The following ZNF704 variants were observed in gnomAD, a reference collection of about 807,000 sequenced individuals.
ZNF704 encodes the protein zinc finger protein 704.
ZNF704 carries 10 observed loss-of-function variants against 44.7 expected under a neutral mutation model. The ratio of observed to expected loss-of-function variants is 0.22; its 90% CI spans 0.14 to 0.38. The LOEUF (loss-of-function observed/expected upper bound fraction) is 0.38, where lower values mean the gene tolerates loss of function less well. ZNF704 is among the 10% of genes least tolerant of loss of function. The pLI, the probability that ZNF704 is intolerant of heterozygous loss-of-function variation, is 1.00. For synonymous variants in ZNF704, 211 were observed against 207.6 expected (o/e 1.02, Z -0.14); for missense variants, 390 against 545.5 (o/e 0.71, Z 2.84).
intron 1 of ZNF704, among the ~76,000 whole-genome samples, chr8:80,863,856 T>G (rs1031029042): frequency 3.3e-5 from 5 of 152,204 alleles, no homozygotes; most frequent in Admixed American, 2.0e-4. Context: ...TCCTGATATT[T>G]TCAATCTTTT....
At chr8:80,690,442 A>G (rs1349728797) in intron 3 of ZNF704, among the ~76,000 whole-genome samples, 1 of 151,976 alleles carries the variant, frequency 6.6e-6, no homozygotes, top group African/African-American at 2.4e-5. Context: ...AAAATTTTTT[A>G]TTTTTTAGAG....
intron 2 of ZNF704, among the ~76,000 whole-genome samples, chr8:80,750,043 G>A (rs972019109): frequency 6.6e-6 from 1 of 152,146 alleles, no homozygotes; most frequent in Non-Finnish European, 1.5e-5. Context: ...GAAGCTTCTA[G>A]TTAACTATCC....
intron 2 of ZNF704, among the ~76,000 whole-genome samples, chr8:80,752,212 G>A (rs1423568393): frequency 1.3e-5 from 2 of 151,968 alleles, no homozygotes; most frequent in Non-Finnish European, 2.9e-5. Context: ...CTACTTTGCA[G>A]TATTTCCTTA....
At chr8:80,721,103 G>A (rs1451393910) in intron 2 of ZNF704, among the ~76,000 whole-genome samples, 1 of 152,214 alleles carries the variant, frequency 6.6e-6, no homozygotes. Flanking sequence ...GGATCTGTGA[G>A]GGAGGAAGCA....
chr8:80,879,240 A>ATTT (rs34086990), upstream of ZNF704, among the ~76,000 whole-genome samples: 11 of 146,460 alleles, frequency 7.5e-5, no homozygotes, highest in Non-Finnish European at 9.0e-5. Context: ...ATGCATGTCA[A>ATTT]TTTTTTTTTT....
At chr8:80,721,076 C>T (rs550324066) in intron 2 of ZNF704, among the ~76,000 whole-genome samples, 1 of 152,340 alleles carries the variant, frequency 6.6e-6, no homozygotes, top group East Asian at 1.9e-4. Context: ...ATTGCTTACA[C>T]CCTCTTCTAG....
At chr8:80,742,816 G>A (rs1424126345) in intron 2 of ZNF704, among the ~76,000 whole-genome samples, 2 of 151,918 alleles carry the variant, frequency 1.3e-5, no homozygotes, top group Admixed American at 6.6e-5. Context: ...AGCGGTTGTC[G>A]GCCAACCTCC....
At chr8:80,755,227 G>A (rs1288250131) in intron 2 of ZNF704, among the ~76,000 whole-genome samples, 1 of 152,136 alleles carries the variant, frequency 6.6e-6, no homozygotes, top group African/African-American at 2.4e-5. Context: ...AGCACTTTGG[G>A]AGGCCAAGAC....
At chr8:80,727,436 T>A (rs1806503153) in intron 2 of ZNF704, among the ~76,000 whole-genome samples, 1 of 152,130 alleles carries the variant, frequency 6.6e-6, no homozygotes, top group Admixed American at 6.5e-5. Context: ...TGTTTTTGTT[T>A]TTTTTTTTCG....
chr8:80,645,133 C>T (rs908230423), intron 7 of ZNF704: 50 of 1,608,456 alleles, frequency 3.1e-5, no homozygotes, highest in Non-Finnish European at 3.6e-5. Flanking sequence ...AACTCCTCGT[C>T]GTCGTATTTG....
chr8:80,822,963 G>C (rs1382397557), intron 1 of ZNF704, among the ~76,000 whole-genome samples: 2 of 152,238 alleles, frequency 1.3e-5, no homozygotes, highest in Non-Finnish European at 1.5e-5. Flanking sequence ...TGTCAGGATG[G>C]AAGTTCCAAA....
intron 4 of ZNF704, among the ~76,000 whole-genome samples, chr8:80,679,042 T>G (rs747626036): frequency 7.2e-5 from 11 of 152,198 alleles, no homozygotes; most frequent in Non-Finnish European, 1.5e-4. Context: ...AACAGCTATA[T>G]TTCCAGAGTT....
intron 2 of ZNF704, among the ~76,000 whole-genome samples, chr8:80,768,642 G>T (rs189827774): frequency 6.6e-6 from 1 of 152,046 alleles, no homozygotes; most frequent in Non-Finnish European, 1.5e-5. Flanking sequence ...GTTGGCATCA[G>T]AAAATAAAGG....
intron 4 of ZNF704, among the ~76,000 whole-genome samples, chr8:80,677,997 T>C (rs1366592587): frequency 1.3e-5 from 2 of 152,220 alleles, no homozygotes; most frequent in Non-Finnish European, 2.9e-5. Context: ...ATTGTGAGGA[T>C]TGAATTATAA....
intron 1 of ZNF704, among the ~76,000 whole-genome samples, chr8:80,868,884 T>A (rs2130067791): frequency 6.6e-6 from 1 of 152,244 alleles, no homozygotes; most frequent in East Asian, 1.9e-4. Context: ...TCAACAATAA[T>A]TCCATCTCTT....
intron 5 of ZNF704, 117 bp from the exon 6 acceptor site, chr8:80,665,199 C>T: frequency 8.0e-6 from 9 of 1,120,190 alleles, no homozygotes; most frequent in Non-Finnish European, 1.1e-5. Flanking sequence ...GTTTGCCTTG[C>T]AAACTCTTCC....
At chr8:80,743,230 T>TA (rs1168144319) in intron 2 of ZNF704, among the ~76,000 whole-genome samples, 67 of 80,704 alleles carry the variant, frequency 8.3e-4, no homozygotes, top group Middle Eastern at 6.0e-3. Context: ...CCTATTAAAA[T>TA]AAAAAAAAAA....
At chr8:80,670,987 G>A (rs1224415430) in intron 4 of ZNF704, among the ~76,000 whole-genome samples, 4 of 152,142 alleles carry the variant, frequency 2.6e-5, no homozygotes, top group East Asian at 1.9e-4. Context: ...TTTTACAGAC[G>A]CATAGAAAGC....
At position 80,817,989 on chromosome 8, in the gene ZNF704, T is replaced by C. The variant is rs548009725; in HGVS notation, c.221+3385A>G. Among the ~76,000 whole-genome samples, 4 of 152,298 alleles carry C rather than the reference T, an allele frequency of 2.6e-5. No homozygotes were observed. The South Asian group carries it at 6.2e-4, about 24-fold the overall frequency. On this transcript the variant is annotated intron_variant, in intron 2 of 8. Coordinates refer to ENST00000327835, the MANE Select transcript of ZNF704 (RefSeq NM_001033723.3). ...TCATTTTTACTGAGTACTGGGTTTG[T>C]AGCAGGTACTCAAGAAAAACCTGTT...
Sources: allele counts gnomAD v4.1 joint callset (sites outside exome capture counted in the v4.1 genomes callset), GRCh38; gene constraint gnomAD v4.1.1; transcripts MANE v1.5; gene names NCBI Gene and HGNC (gene_info 2026-07-23, HGNC 2026-07-21).